The following NOL4 variants were observed in gnomAD, a reference collection of about 807,000 sequenced individuals.
NOL4 encodes nucleolar protein 4.
A neutral mutation model predicts 75.9 loss-of-function variants in NOL4; 17 were observed. That is an observed-to-expected ratio of 0.22 (90% CI 0.15 to 0.34). The LOEUF (loss-of-function observed/expected upper bound fraction) is 0.34, where lower values mean the gene tolerates loss of function less well. Among genes scored for constraint, NOL4 ranks in the 10% least tolerant of loss-of-function variants. The pLI is 1.00. For missense variants in NOL4, 614 were observed against 793.5 expected (o/e 0.77, Z 2.72); for synonymous variants, 292 against 289.9 (o/e 1.01, Z -0.07).
chr18:34,057,736 T>A (rs1276737011), intron 5 of NOL4, among the ~76,000 whole-genome samples: 1 of 152,212 alleles, frequency 6.6e-6, no homozygotes, highest in Non-Finnish European at 1.5e-5. Context: ...AGGGTAAGAA[T>A]CATGCCTTAT....
intron 6 of NOL4, among the ~76,000 whole-genome samples, chr18:33,995,137 A>G (rs1437563173): frequency 6.6e-6 from 1 of 151,628 alleles, no homozygotes; most frequent in Non-Finnish European, 1.5e-5. Flanking sequence ...TATTATAAAG[A>G]AAAGCCAAGT....
chr18:33,978,650 C>A (rs1465907557), intron 6 of NOL4, among the ~76,000 whole-genome samples: 1 of 151,864 alleles, frequency 6.6e-6, no homozygotes, highest in South Asian at 2.1e-4. Flanking sequence ...GTTCCAGGAC[C>A]CCTGCTGATA....
At chr18:33,872,775 TATA>T (rs1410371983) in intron 10 of NOL4, among the ~76,000 whole-genome samples, 1 of 152,048 alleles carries the variant, frequency 6.6e-6, no homozygotes, top group African/African-American at 2.4e-5. Flanking sequence ...GGATAGTGGC[TATA>T]ATGTTAGATG....
At chr18:34,018,839 A>C (rs902493515) in intron 6 of NOL4, among the ~76,000 whole-genome samples, 2 of 152,200 alleles carry the variant, frequency 1.3e-5, no homozygotes, top group African/African-American at 2.4e-5. Context: ...CCTCACACTT[A>C]ACAGTTATTT....
chr18:34,090,590 G>A (rs988397741), intron 5 of NOL4, among the ~76,000 whole-genome samples: 1 of 151,900 alleles, frequency 6.6e-6, no homozygotes, highest in Non-Finnish European at 1.5e-5. Context: ...CTGCACTCTG[G>A]CATCTATAGA....
At chr18:33,862,249 C>T (rs1480906278) in intron 10 of NOL4, among the ~76,000 whole-genome samples, 1 of 151,964 alleles carries the variant, frequency 6.6e-6, no homozygotes, top group African/African-American at 2.4e-5. Flanking sequence ...CCCTTCCTTA[C>T]ACCTTATACA....
At chr18:33,992,935 A>G (rs1028925546) in intron 6 of NOL4, among the ~76,000 whole-genome samples, 6 of 152,050 alleles carry the variant, frequency 3.9e-5, no homozygotes, top group African/African-American at 1.4e-4. Flanking sequence ...TTAATTTGCA[A>G]CAGAGCAAAG....
chr18:33,948,423 A>G (rs537276492), intron 8 of NOL4, among the ~76,000 whole-genome samples: 1 of 152,104 alleles, frequency 6.6e-6, no homozygotes, highest in Admixed American at 6.6e-5. Flanking sequence ...ATATACATAT[A>G]TAAAGTTTCA....
chr18:34,168,446 G>A (rs1227139206), intron 1 of NOL4, among the ~76,000 whole-genome samples: 1 of 151,046 alleles, frequency 6.6e-6, no homozygotes, highest in Non-Finnish European at 1.5e-5. Flanking sequence ...TTTCAGGGGG[G>A]AAAAAAGGTC....
At chr18:33,864,689 C>T (rs1348114126) in intron 10 of NOL4, among the ~76,000 whole-genome samples, 1 of 152,138 alleles carries the variant, frequency 6.6e-6, no homozygotes, top group Non-Finnish European at 1.5e-5. Context: ...CAGTTTCCCC[C>T]TGTCTATGGT....
chr18:33,874,159 T>G (rs77636046), intron 10 of NOL4, among the ~76,000 whole-genome samples: 1 of 151,840 alleles, frequency 6.6e-6, no homozygotes, highest in Admixed American at 6.6e-5. Context: ...GTAAGAGCTA[T>G]GAGTTCTATC....
intron 9 of NOL4, among the ~76,000 whole-genome samples, chr18:33,917,253 C>CAG (rs1468992614): frequency 6.6e-6 from 1 of 151,486 alleles, no homozygotes; most frequent in Non-Finnish European, 1.5e-5. Context: ...GTATGCTGAA[C>CAG]TACTGTTCAG....
rs559415872 is a variant in NOL4 at position 34,161,753 on chromosome 18, AAT to A, written c.265-31735_265-31734del. 2.0e-3 allele frequency among the ~76,000 whole-genome samples: 300 copies of A among 152,038 alleles called. 1 individual carries two copies. The highest frequency in any genetic ancestry group is 7.0e-3 in the African/African-American group (288 of 41,380). ...TATTTGGAATATTAATTCCTTGACA[AAT>A]GTGAATTAGAGATTTGAGATTAGAT... On this transcript the variant is annotated intron_variant, in intron 1 of 10. Transcript: ENST00000261592.
At chr18:34,077,514 T>C (rs2077803418) in intron 5 of NOL4, among the ~76,000 whole-genome samples, 1 of 152,116 alleles carries the variant, frequency 6.6e-6, no homozygotes, top group Non-Finnish European at 1.5e-5. Context: ...TATGTATACA[T>C]ATTTAAAGTA....
At chr18:33,882,039 T>A (rs1050172044) in intron 10 of NOL4, among the ~76,000 whole-genome samples, 42 of 152,164 alleles carry the variant, frequency 2.8e-4, no homozygotes, top group African/African-American at 1.0e-3. Flanking sequence ...CCTTACACCT[T>A]ACACAAAAAT....
chr18:34,162,175 G>A (rs932037918), intron 1 of NOL4, among the ~76,000 whole-genome samples: 1 of 152,180 alleles, frequency 6.6e-6, no homozygotes, highest in South Asian at 2.1e-4. Flanking sequence ...ACAATTAAAA[G>A]AACTAGAAAA....
chr18:34,075,598 A>G (rs1158683002), intron 5 of NOL4, among the ~76,000 whole-genome samples: 1 of 152,158 alleles, frequency 6.6e-6, no homozygotes, highest in African/African-American at 2.4e-5. Context: ...AACCTATGTC[A>G]TGTTTATCAC....
chr18:33,974,757 C>CA (rs199825605), intron 6 of NOL4, among the ~76,000 whole-genome samples: 80 of 147,546 alleles, frequency 5.4e-4, no homozygotes, highest in East Asian at 1.8e-3. Context: ...CTTAAATTTG[C>CA]AAAAAAAAAA....
intron 9 of NOL4, among the ~76,000 whole-genome samples, chr18:33,909,876 GA>G (rs1157269585): frequency 1.3e-5 from 2 of 151,880 alleles, no homozygotes; most frequent in Non-Finnish European, 2.9e-5. Context: ...CATTAATAAT[GA>G]AAAAAATGGG....
Sources: allele counts gnomAD v4.1 joint callset (sites outside exome capture counted in the v4.1 genomes callset), GRCh38; gene constraint gnomAD v4.1.1; transcripts MANE v1.5; gene names NCBI Gene and HGNC (gene_info 2026-07-23, HGNC 2026-07-21).